Variants in TAF2 observed in about 807,000 individuals in gnomAD.
TAF2 encodes TATA-box binding protein associated factor 2, also known as transcription initiation factor TFIID subunit 2.
Under a neutral mutation model 138.5 loss-of-function variants are expected in TAF2, and 61 were observed. That is an observed-to-expected ratio of 0.44 (90% CI 0.36 to 0.54). The LOEUF (loss-of-function observed/expected upper bound fraction) is 0.54, where lower values mean the gene tolerates loss of function less well. Among genes scored for constraint, TAF2 ranks in the 20% least tolerant of loss-of-function variants. The pLI is 0.00. For missense variants in TAF2, 1,090 were observed against 1,427.9 expected (o/e 0.76, Z 3.81); for synonymous variants, 475 against 469.9 (o/e 1.01, Z -0.14).
At chr8:119,732,964 T>C (rs1011184984) in intron 25 of TAF2, among the ~76,000 whole-genome samples, 5 of 152,132 alleles carry the variant, frequency 3.3e-5, no homozygotes, top group Admixed American at 3.3e-4. Flanking sequence ...CCCATTTATA[T>C]GTGAACTTTT....
intron 2 of TAF2, among the ~76,000 whole-genome samples, chr8:119,822,149 T>C (rs4871648): frequency 0.58 from 88,147 of 151,858 alleles, 25,747 homozygotes; most frequent in Middle Eastern, 0.75. Context: ...TACAGGTACA[T>C]CATCCTTTAT....
At position 119,792,105 on chromosome 8, in the gene TAF2, C is replaced by A. The variant is rs867337732; in HGVS notation, c.1278-646G>T. On this transcript the variant is annotated intron_variant, in intron 10 of 25. Coordinates refer to ENST00000378164, the MANE Select transcript of TAF2 (RefSeq NM_003184.4). ...TGGTGAGTATCTTTTTACACATGTG[C>A]AAATATTTCTGTATGATAAATGCCT... is the stretch of plus-strand genomic sequence containing the variant. Among the ~76,000 whole-genome samples, 19 of 151,074 alleles carry A rather than the reference C, an allele frequency of 1.3e-4. No individual in the cohort carries two copies. In the Middle Eastern group the frequency reaches 0.017, roughly 138 times the overall value.
rs576102496 is a variant in TAF2 at position 119,804,424 on chromosome 8, G to A, written c.419-405C>T. On this transcript the variant is annotated intron_variant, in intron 4 of 25. Transcript: ENST00000378164. ...CCCCACCCAAATCTCATCTTGCAGC[G>A]CCCATAACTCCCATGTGGTATGGGA... Among the ~76,000 whole-genome samples the A allele has an allele frequency of 7.2e-5, 11 of 152,222 alleles. No individual in the cohort carries two copies. The South Asian group carries it at 1.4e-3, about 20-fold the overall frequency.
At chr8:119,765,986 C>T (rs1291447175) in intron 18 of TAF2, among the ~76,000 whole-genome samples, 2 of 152,172 alleles carry the variant, frequency 1.3e-5, no homozygotes, top group East Asian at 3.9e-4. Context: ...GAATAAAGGC[C>T]TGAACTAGGA....
chr8:119,785,217 C>G lies in TAF2; in HGVS notation c.1843G>C (p.Asp615His). Reference protein sequence around the residue: ...PLMNGEEVDMDLSAMDADSPL... With the variant: ...PLMNGEEVDMHLSAMDADSPL... ...CTAACTTACTCCATTGCAGAAAGAT[C>G]CATATCAACTTCTTCTCCATTCATC... Residue 615 changes from aspartate (D) to histidine (H), a missense_variant, in exon 15 of 26, where the codon GAT becomes CAT. Transcript: ENST00000378164. 6.2e-7 allele frequency: 1 copy of G among 1,612,706 alleles called. No homozygotes were observed. Among genetic ancestry groups the G allele is most frequent in the Non-Finnish European group, 8.5e-7 (1 of 1,179,034 alleles).
intron 3 of TAF2, among the ~76,000 whole-genome samples, chr8:119,816,103 T>G (rs1197484175): frequency 2.7e-5 from 4 of 146,974 alleles, no homozygotes; most frequent in Non-Finnish European, 6.0e-5. Context: ...CAGGCTGGAG[T>G]GCAGTGGCGC....
chr8:119,816,481 AT>A, intron 3 of TAF2, among the ~76,000 whole-genome samples: 1 of 152,322 alleles, frequency 6.6e-6, no homozygotes, highest in Middle Eastern at 3.4e-3. Flanking sequence ...TGTAAAATCA[AT>A]GGTAAAATCA....
intron 3 of TAF2, 116 bp downstream of exon 3, chr8:119,819,230 G>T (rs1825674103): frequency 1.9e-6 from 2 of 1,050,068 alleles, no homozygotes; most frequent in South Asian, 1.4e-5. Context: ...TAAAGATTGG[G>T]ATTCAAAGCC....
chr8:119,831,914 A>C (rs1467045703), intron 1 of TAF2, among the ~76,000 whole-genome samples, 183 bp from the exon 2 acceptor site: 2 of 152,150 alleles, frequency 1.3e-5, no homozygotes, highest in Non-Finnish European at 2.9e-5. Flanking sequence ...TAATCCCAGC[A>C]CTTTGGGAGG....
chr8:119,746,482 G>T (rs1037364628), intron 23 of TAF2, among the ~76,000 whole-genome samples: 1 of 151,176 alleles, frequency 6.6e-6, no homozygotes. Flanking sequence ...CACAATACGA[G>T]TAACAGGACC....
At chr8:119,825,608 A>G (rs1826043993) in intron 2 of TAF2, among the ~76,000 whole-genome samples, 1 of 152,112 alleles carries the variant, frequency 6.6e-6, no homozygotes, top group Admixed American at 6.5e-5. Flanking sequence ...ACCCAGTGGG[A>G]GGTAACTGAA....
chr8:119,826,117 G>T (rs1473143830), intron 2 of TAF2, among the ~76,000 whole-genome samples: 4 of 152,066 alleles, frequency 2.6e-5, no homozygotes, highest in Middle Eastern at 3.4e-3. Flanking sequence ...GTTGCGGGGT[G>T]GGGGACTAGG....
intron 3 of TAF2, among the ~76,000 whole-genome samples, chr8:119,813,792 G>C (rs545485973): frequency 6.6e-6 from 1 of 152,226 alleles, no homozygotes; most frequent in East Asian, 1.9e-4. Context: ...GAACTTTCCA[G>C]CATTTAGAAA....
At chr8:119,782,574 A>G (rs1822743000) in intron 16 of TAF2, among the ~76,000 whole-genome samples, 1 of 152,192 alleles carries the variant, frequency 6.6e-6, no homozygotes, top group Admixed American at 6.5e-5. Context: ...AACAGTGAGG[A>G]AGGCAAGAGT....
intron 22 of TAF2, among the ~76,000 whole-genome samples, chr8:119,750,052 G>A (rs188650992): frequency 3.3e-5 from 5 of 152,244 alleles, no homozygotes; most frequent in East Asian, 1.9e-4. Context: ...TGATCCTACC[G>A]AAAAATCATC....
intron 3 of TAF2, among the ~76,000 whole-genome samples, chr8:119,818,259 A>G (rs1259242403): frequency 1.3e-5 from 2 of 152,216 alleles, no homozygotes; most frequent in East Asian, 3.9e-4. Context: ...TGGGGTATTG[A>G]TTGAGAACTG....
intron 2 of TAF2, among the ~76,000 whole-genome samples, chr8:119,826,837 C>T (rs1437064277): frequency 2.6e-5 from 4 of 152,164 alleles, no homozygotes; most frequent in Admixed American, 1.3e-4. Flanking sequence ...ACACCAGCCT[C>T]GGCCTCCCAA....
rs1443302967 is a variant in TAF2, at chr8:119,746,910, C to T, written c.2903G>A (p.Arg968Gln). The change falls in exon 23 of 26, where the codon CGG becomes CAG. Residue 968 changes from arginine (R) to glutamine (Q), a missense_variant. By Grantham distance (43) the Arg-to-Gln change is conservative. Coordinates refer to ENST00000378164, the MANE Select transcript of TAF2 (RefSeq NM_003184.4). ...NSGTSHDWRL[R>Q]CGAVDLYFTL... The stretch of plus-strand genomic sequence containing the variant: ...GAAGTACAAGTCCACAGCACCACAC[C>T]GTAACCTCCAGTCATGTGAAGTACC... The T allele has an allele frequency of 1.9e-6, 3 of 1,614,036 alleles. No homozygotes were observed. The highest frequency in any genetic ancestry group is 1.7e-5 in the Admixed American group (1 of 60,008).
intron 18 of TAF2, among the ~76,000 whole-genome samples, chr8:119,770,690 C>T (rs1039407743): frequency 5.3e-5 from 8 of 152,112 alleles, no homozygotes; most frequent in African/African-American, 1.9e-4. Flanking sequence ...ATTAAGGCCC[C>T]AAGGCAACTA....
Sources: allele counts gnomAD v4.1 joint callset (sites outside exome capture counted in the v4.1 genomes callset), GRCh38; gene constraint gnomAD v4.1.1; transcripts MANE v1.5; gene names NCBI Gene and HGNC (gene_info 2026-07-23, HGNC 2026-07-21).